The following ACYP2 variants were observed in gnomAD, a reference collection of about 807,000 sequenced individuals.
ACYP2 encodes the protein acylphosphatase 2.
ACYP2 carries 12 observed loss-of-function variants against 11.2 expected under a neutral mutation model. The ratio of observed to expected loss-of-function variants is 1.08; its 90% CI spans 0.69 to 1.74. The LOEUF (loss-of-function observed/expected upper bound fraction) is 1.74, where lower values mean the gene tolerates loss of function less well. Ranked by LOEUF, ACYP2 falls within the 40% of genes most tolerant of loss-of-function variation. The pLI is 0.00. For synonymous variants in ACYP2, 43 were observed against 32.2 expected, an observed-to-expected ratio of 1.33 and a Z score of -1.13; for missense variants, 134 against 101.9, an observed-to-expected ratio of 1.31 and a Z score of -1.35.
chr2:54,204,981 C>A (rs188429380), intron 6 of ACYP2, among the ~76,000 whole-genome samples: 4 of 152,266 alleles, frequency 2.6e-5, no homozygotes, highest in Non-Finnish European at 4.4e-5. Context: ...TTCTCATAGG[C>A]ACCTTCTCCT....
At position 54,033,817 on chromosome 2, in the gene ACYP2, AG is replaced by A. The variant is rs1235461544; in HGVS notation, c.63-17140del. Among the ~76,000 whole-genome samples, 4 of 152,270 alleles carry A rather than the reference AG, an allele frequency of 2.6e-5. No homozygotes were observed. In the East Asian group the frequency reaches 7.7e-4, roughly 29 times the overall value. ...TGATGGTGGTCTGAAGTAAGGTGTT[AG>A]TAACAGAAATAAAGAAAGAACATAA... On this transcript the variant is annotated intron_variant, in intron 2 of 6. Transcript: ENST00000607452.
chr2:54,003,619 A>G (rs1210967569), intron 2 of ACYP2, among the ~76,000 whole-genome samples: 2 of 152,198 alleles, frequency 1.3e-5, no homozygotes, highest in African/African-American at 2.4e-5. Context: ...ACCACAGTTT[A>G]TATATCCATT....
At chr2:54,222,252 G>A (rs1265366404) in intron 6 of ACYP2, among the ~76,000 whole-genome samples, 1 of 151,956 alleles carries the variant, frequency 6.6e-6, no homozygotes, top group Non-Finnish European at 1.5e-5. Context: ...GGAACTAGGA[G>A]AAAAATAGAA....
chr2:53,997,119 C>G (rs902451348), intron 2 of ACYP2, among the ~76,000 whole-genome samples: 1 of 152,118 alleles, frequency 6.6e-6, no homozygotes, highest in Non-Finnish European at 1.5e-5. Flanking sequence ...ATAATACCTT[C>G]TACCCCATTT....
intron 2 of ACYP2, among the ~76,000 whole-genome samples, chr2:54,037,489 C>T (rs1025723795): frequency 2.0e-5 from 3 of 152,140 alleles, no homozygotes; most frequent in Non-Finnish European, 2.9e-5. Context: ...CGGCCCACTG[C>T]AGCCTCAACC....
intron 4 of ACYP2, chr2:54,123,265 G>A (rs1456725477): frequency 2.5e-6 from 1 of 398,100 alleles, no homozygotes; most frequent in Non-Finnish European, 4.4e-6. Context: ...ATAAAATCTA[G>A]AGAGAGCTCA....
chr2:54,138,614 T>A, intron 5 of ACYP2, 25 bp from the exon 3 acceptor site: 1 of 1,577,810 alleles, frequency 6.3e-7, no homozygotes, highest in Non-Finnish European at 8.7e-7. Context: ...CTGCACTTTA[T>A]TCTTCTTGTT....
intron 2 of ACYP2, among the ~76,000 whole-genome samples, chr2:53,981,211 TA>T (rs1184591228): frequency 2.0e-5 from 3 of 152,342 alleles, no homozygotes; most frequent in African/African-American, 7.2e-5. Context: ...CTAGAAGTGT[TA>T]CCAGTGGAGG....
At chr2:54,221,216 G>A (rs761153704) in intron 6 of ACYP2, among the ~76,000 whole-genome samples, 3 of 152,146 alleles carry the variant, frequency 2.0e-5, no homozygotes, top group Admixed American at 1.3e-4. Flanking sequence ...GCCTAGATCA[G>A]TCAAACTGTA....
In ACYP2 at chr2:54,074,122, T is replaced by C. The variant is rs576081611; in HGVS notation, c.277+16762T>C. ...TTGGAGGCTGAGGTGAGGAAATTGC[T>C]TAAGGCCAGGAGTTTTATATCAGCC... On this transcript the variant is annotated intron_variant, in intron 4 of 6. Transcript: ENST00000607452. Among the ~76,000 whole-genome samples the C allele has an allele frequency of 7.9e-5, 12 of 152,310 alleles. No individual in the cohort carries two copies. In the South Asian group the frequency reaches 2.5e-3, roughly 32 times the overall value.
At chr2:54,039,256 T>TA (rs1352521791) in intron 2 of ACYP2, among the ~76,000 whole-genome samples, 2 of 123,290 alleles carry the variant, frequency 1.6e-5, no homozygotes, top group South Asian at 3.1e-4. Flanking sequence ...CATCGTGCTT[T>TA]AATTTTTTTT....
chr2:54,229,591 C>T (rs557179065), intron 6 of ACYP2, among the ~76,000 whole-genome samples: 1 of 152,246 alleles, frequency 6.6e-6, no homozygotes, highest in African/African-American at 2.4e-5. Flanking sequence ...TTTTCATTTG[C>T]TAATTCCATC....
chr2:54,232,000 T>C (rs1477700792), intron 6 of ACYP2, among the ~76,000 whole-genome samples: 1 of 152,262 alleles, frequency 6.6e-6, no homozygotes, highest in Non-Finnish European at 1.5e-5. Context: ...ATGTATTCTT[T>C]TGACTTTTGT....
intron 2 of ACYP2, among the ~76,000 whole-genome samples, chr2:54,037,550 A>G (rs1387327835): frequency 6.6e-6 from 1 of 152,104 alleles, no homozygotes; most frequent in Non-Finnish European, 1.5e-5. Context: ...AGTTAGGACC[A>G]CAGTGAACCC....
intron 4 of ACYP2, among the ~76,000 whole-genome samples, chr2:54,100,162 A>G (rs1397950604): frequency 6.7e-6 from 1 of 150,110 alleles, no homozygotes; most frequent in Non-Finnish European, 1.5e-5. Flanking sequence ...TAATAAATGA[A>G]CATTTACATG....
chr2:54,201,046 C>T (rs865890245), intron 6 of ACYP2, among the ~76,000 whole-genome samples: 2 of 151,704 alleles, frequency 1.3e-5, no homozygotes, highest in South Asian at 2.1e-4. Context: ...CATTTGTATA[C>T]ACTCTTTAGG....
At chr2:54,106,115 T>C (rs1049504777) in intron 4 of ACYP2, among the ~76,000 whole-genome samples, 10 of 152,232 alleles carry the variant, frequency 6.6e-5, no homozygotes, top group African/African-American at 2.4e-4. Context: ...TAATGTACTA[T>C]TCATGGACTC....
At chr2:54,153,461 T>TTTC (rs1682280216) in intron 6 of ACYP2, among the ~76,000 whole-genome samples, 1 of 48,558 alleles carries the variant, frequency 2.1e-5, no homozygotes, top group African/African-American at 6.5e-5. Flanking sequence ...CTACTTAGGG[T>TTTC]TTTTTTTTTT....
chr2:54,028,399 C>G (rs1674407034), intron 2 of ACYP2, among the ~76,000 whole-genome samples: 1 of 152,180 alleles, frequency 6.6e-6, no homozygotes, highest in Non-Finnish European at 1.5e-5. Flanking sequence ...GCCTCAAGGT[C>G]TCTCTGACTT....
Sources: allele counts gnomAD v4.1 joint callset (sites outside exome capture counted in the v4.1 genomes callset), GRCh38; gene constraint gnomAD v4.1.1; transcripts MANE v1.5; gene names NCBI Gene and HGNC (gene_info 2026-07-23, HGNC 2026-07-21).